SAMM50: variants seen among roughly 807,000 people sequenced by gnomAD.
The protein encoded by SAMM50 is sorting and assembly machinery component 50 homolog.
SAMM50 carries 47 observed loss-of-function variants against 66.9 expected under a neutral mutation model. That is an observed-to-expected ratio of 0.70 (90% CI 0.56 to 0.90). SAMM50 has a LOEUF of 0.90. Ranked by LOEUF, SAMM50 falls within the 40% of genes least tolerant of loss-of-function variation. The pLI is 0.00. For synonymous variants in SAMM50, 191 were observed against 214.1 expected, an observed-to-expected ratio of 0.89 and a Z score of 0.94; for missense variants, 535 against 595.3, an observed-to-expected ratio of 0.90 and a Z score of 1.05.
chr22:43,978,432 CAAAAAAA>C (rs71313377), intron 10 of SAMM50, among the ~76,000 whole-genome samples: 1,539 of 69,138 alleles, frequency 0.022, 49 homozygotes, highest in African/African-American at 0.089. Flanking sequence ...GACTCCTTCT[CAAAAAAA>C]AAAAAAAAAA....
intron 14 of SAMM50, among the ~76,000 whole-genome samples, chr22:43,991,846 T>G (rs945647000): frequency 6.6e-6 from 1 of 152,180 alleles, no homozygotes; most frequent in Non-Finnish European, 1.5e-5. Flanking sequence ...CCTCTTCTTA[T>G]GCGGCCCCTA....
chr22:43,976,018 G>T, intron 7 of SAMM50, 37 bp from the exon 8 acceptor site: 2 of 1,583,266 alleles, frequency 1.3e-6, no homozygotes, highest in Non-Finnish European at 1.7e-6. Context: ...TCCTAAGTAT[G>T]TGTGGTCCGG....
chr22:43,990,438 A>T, intron 14 of SAMM50, 32 bp downstream of exon 14: 1 of 1,602,802 alleles, frequency 6.2e-7, no homozygotes, highest in South Asian at 1.1e-5. Context: ...CCACAATCAC[A>T]TCCCACTCTC....
In SAMM50 at chr22:43,989,214, A is replaced by G. The variant is rs2050309829; in HGVS notation, c.1179A>G (p.Thr393=). 1.9e-6 allele frequency: 3 copies of G among 1,614,166 alleles called. No individual in the cohort carries two copies. The East Asian group carries it at 6.7e-5, about 36-fold the overall frequency. ...GTGGCTTTGGAGAACTTTTCCGAAC[A>G]CACTTCTTTCTCAACGCAGGAAACC... is the stretch of plus-strand genomic sequence containing the variant. The part of the protein sequence containing the change: ...GQGGFGELFR[T]HFFLNAGNLC... Residue 393 remains threonine (T), a synonymous_variant, in exon 13 of 15, where the codon ACA becomes ACG. Transcript: ENST00000350028.
Position 43,973,217 on chromosome 22 carries a change from C to G in SAMM50, c.561-19C>G. The stretch of plus-strand genomic sequence containing the variant: ...AATCACTGTTTCAGCTTTTAAAGCT[C>G]TATCCCATTGTCTCCTAGTTTCTCT... On this transcript the variant is annotated intron_variant, in intron 6 of 14. Transcript: ENST00000350028. 1 of 1,501,064 alleles carries G rather than the reference C, an allele frequency of 6.7e-7. No homozygotes were observed. Among genetic ancestry groups the G allele is most frequent in the Non-Finnish European group, 9.3e-7 (1 of 1,077,712 alleles). 93.0% of individuals were successfully genotyped at this position (1,501,064 alleles called of 1,614,324 possible).
At chr22:43,988,293 G>A (rs1216231971) in intron 12 of SAMM50, 1 of 152,154 alleles carries the variant, frequency 6.6e-6, no homozygotes, top group Non-Finnish European at 1.5e-5. Context: ...GTGAGGAACT[G>A]AAGTCTTTAA....
At chr22:43,968,594 G>C (rs977108159) in intron 3 of SAMM50, 137 bp from the exon 4 acceptor site, 2 of 638,420 alleles carry the variant, frequency 3.1e-6, no homozygotes, top group African/African-American at 1.8e-5. Context: ...TCATGTGGCT[G>C]GTCTTGGTAG....
At chr22:43,994,362 C>T (rs2050341638) in intron 14 of SAMM50, among the ~76,000 whole-genome samples, 1 of 152,184 alleles carries the variant, frequency 6.6e-6, no homozygotes, top group Non-Finnish European at 1.5e-5. Flanking sequence ...GGTCTTTGAG[C>T]TCAGGACTTC....
chr22:43,993,962 C>G (rs544723165), intron 14 of SAMM50, among the ~76,000 whole-genome samples: 2 of 152,324 alleles, frequency 1.3e-5, no homozygotes, highest in East Asian at 1.9e-4. Flanking sequence ...AGCATTCTGT[C>G]AGTTTGTGTC....
chr22:43,980,163 TTCACCCACCCACCCACCCAC>T (rs1353568726), intron 10 of SAMM50, among the ~76,000 whole-genome samples: 116 of 8,248 alleles, frequency 0.014, no homozygotes, highest in African/African-American at 0.019. Context: ...CATCCATCCA[TTCACCCACCCACCCACCCAC>T]CCATCCATCC....
chr22:43,984,247 T>C (rs899087506), intron 12 of SAMM50, among the ~76,000 whole-genome samples: 1 of 152,198 alleles, frequency 6.6e-6, no homozygotes, highest in African/African-American at 2.4e-5. Context: ...AGAGAGAACA[T>C]GTGTAAACGT....
Position 43,972,970 on chromosome 22 carries a change from T to G in SAMM50, c.529T>G (p.Phe177Val), listed in dbSNP as rs2050211586. 6.3e-7 allele frequency: 1 copy of G among 1,597,712 alleles called. No individual in the cohort carries two copies. The highest frequency in any genetic ancestry group is 8.5e-7 in the Non-Finnish European group (1 of 1,176,404). The change falls in exon 6 of 15, where the codon TTC (phenylalanine) becomes GTC (valine). Residue 177 changes from phenylalanine (F) to valine (V), a missense_variant. Transcript: ENST00000350028. The part of the protein sequence containing the change: ...TKETSYGLSF[F>V]KPRPGNFERN... ...AGAAACTTCGTATGGCCTGTCCTTC[T>G]TCAAACCACGGCCCGGAAACTTCGA...
chr22:43,976,022 G>A (rs760304953), intron 7 of SAMM50, 33 bp from the exon 8 acceptor site: 8 of 1,587,896 alleles, frequency 5.0e-6, no homozygotes, highest in African/African-American at 1.3e-5. Context: ...AAGTATGTGT[G>A]GTCCGGAAAG....
Position 43,983,011 on chromosome 22 carries a change from C to G in SAMM50, c.1008-922C>G, listed in dbSNP as rs911299471. ...TAATGGGGTATTCAGAAAAGCCTTG[C>G]TTAGAAATCCCAAGTAGTAAAAACA... On this transcript the variant is annotated intron_variant, in intron 11 of 14. Transcript: ENST00000350028. This position sits in a 1 kb window ranked among gnomAD's most constrained non-coding sequence, Gnocchi z 4.2. Among the ~76,000 whole-genome samples, 2 of 152,182 alleles carry G rather than the reference C, an allele frequency of 1.3e-5. No homozygotes were observed. The highest frequency in any genetic ancestry group is 2.4e-5 in the African/African-American group (1 of 41,450).
intron 3 of SAMM50, among the ~76,000 whole-genome samples, chr22:43,966,226 G>T (rs1220138478): frequency 1.3e-5 from 2 of 152,152 alleles, no homozygotes; most frequent in Non-Finnish European, 2.9e-5. Flanking sequence ...AAACATCTTA[G>T]TGTGTCTTTG....
chr22:43,958,111 A>C (rs1388172768), intron 1 of SAMM50, among the ~76,000 whole-genome samples: 1 of 152,192 alleles, frequency 6.6e-6, no homozygotes, highest in East Asian at 1.9e-4. Flanking sequence ...GCACTATTGC[A>C]CTTCATTCCC....
chr22:43,984,043 G>GT (rs1298575440), intron 12 of SAMM50, 43 bp downstream of exon 12: 1 of 1,550,108 alleles, frequency 6.5e-7, no homozygotes, highest in African/African-American at 1.4e-5. Flanking sequence ...GAAGGCTCGC[G>GT]TCTCACTTTG....
intron 13 of SAMM50, among the ~76,000 whole-genome samples, chr22:43,990,042 G>C (rs980449540): frequency 6.6e-6 from 1 of 152,244 alleles, no homozygotes; most frequent in African/African-American, 2.4e-5. Context: ...CAGGCCCAAA[G>C]AATTGAGAAG....
At position 43,983,607 on chromosome 22, in the gene SAMM50, A is replaced by C. The variant is rs2050275556; in HGVS notation, c.1008-326A>C. 6.6e-6 allele frequency among the ~76,000 whole-genome samples: 1 copy of C among 152,136 alleles called. No individual in the cohort carries two copies. Among genetic ancestry groups the C allele is most frequent in the African/African-American group, 2.4e-5 (1 of 41,400 alleles). On this transcript the variant is annotated intron_variant, in intron 11 of 14. Transcript: ENST00000350028. This position sits in a 1 kb window ranked among gnomAD's most constrained non-coding sequence, Gnocchi z 4.2. The stretch of plus-strand genomic sequence containing the variant: ...CAGTAGGAGGCCCGCCATGAAAAGG[A>C]ACTGCGTCATGAATTCTCACAGACA...
Sources: gnomAD v4.1 joint callset for allele counts (sites outside exome capture counted in the v4.1 genomes callset) on GRCh38, gnomAD v4.1.1 for gene constraint, Gnocchi (gnomAD v3.1) non-coding constraint, MANE v1.5 for transcripts, NCBI Gene and HGNC (gene_info 2026-07-23, HGNC 2026-07-21) for gene names.